EFNA5: variants seen among roughly 807,000 people sequenced by gnomAD.
EFNA5 encodes ephrin-A5.
EFNA5 carries 5 observed loss-of-function variants against 22.9 expected under a neutral mutation model. The observed-to-expected ratio is 0.22, with a 90% CI of 0.11 to 0.46. EFNA5 has a LOEUF of 0.46. Among genes scored for constraint, EFNA5 ranks in the 20% least tolerant of loss-of-function variants. The probability of loss-of-function intolerance (pLI) is 0.99; values close to 1 mark genes in which losing one functional copy is unlikely to be tolerated. For synonymous variants in EFNA5, 113 were observed against 112.2 expected, an observed-to-expected ratio of 1.01 and a Z score of -0.04; for missense variants, 237 against 293.3, an observed-to-expected ratio of 0.81 and a Z score of 1.40.
In EFNA5 at chr5:107,625,316, T is replaced by C. The variant is rs1384599036; in HGVS notation, c.125+45173A>G. On this transcript the variant is annotated intron_variant, in intron 1 of 4. Coordinates refer to ENST00000333274, the MANE Select transcript of EFNA5 (RefSeq NM_001962.3). ...TTTTGAGATTGTCTATGCATTCTTA[T>C]ATGCAGCTACCACCAATAAGTAAGA... is the stretch of plus-strand genomic sequence containing the variant. 2.6e-5 allele frequency among the ~76,000 whole-genome samples: 4 copies of C among 152,220 alleles called. No homozygotes were observed. The South Asian group carries it at 6.2e-4, about 24-fold the overall frequency.
chr5:107,656,417 C>T (rs967394821), intron 1 of EFNA5, among the ~76,000 whole-genome samples: 2 of 152,032 alleles, frequency 1.3e-5, no homozygotes, highest in African/African-American at 4.8e-5. Flanking sequence ...TGTAAATGTA[C>T]AAATCATCTC....
chr5:107,491,340 C>G (rs901250685), intron 1 of EFNA5, among the ~76,000 whole-genome samples: 2 of 152,162 alleles, frequency 1.3e-5, no homozygotes, highest in Admixed American at 1.3e-4. Context: ...CCATGGAGTT[C>G]CGCTCTTGTT....
intron 1 of EFNA5, among the ~76,000 whole-genome samples, chr5:107,604,076 G>A (rs57078339): frequency 3.9e-5 from 6 of 152,268 alleles, no homozygotes; most frequent in East Asian, 1.9e-4. Flanking sequence ...CTTTGGGGAC[G>A]TGAACCAATA....
chr5:107,420,199 ACTTAAT>A (rs1748616998), intron 2 of EFNA5, among the ~76,000 whole-genome samples: 1 of 152,190 alleles, frequency 6.6e-6, no homozygotes, highest in Non-Finnish European at 1.5e-5. Context: ...TGGTCTTAAA[ACTTAAT>A]CTTTATGCAT....
At chr5:107,469,827 C>A (rs760224935) in intron 1 of EFNA5, among the ~76,000 whole-genome samples, 1 of 152,034 alleles carries the variant, frequency 6.6e-6, no homozygotes, top group Admixed American at 6.6e-5. Context: ...AGAAGTCATC[C>A]CACAAATTCC....
chr5:107,515,355 T>A (rs991674334), intron 1 of EFNA5, among the ~76,000 whole-genome samples: 56 of 130,656 alleles, frequency 4.3e-4, no homozygotes, highest in Middle Eastern at 4.0e-3. Context: ...TGGTTTTTAT[T>A]TTTTATTTTA....
At chr5:107,474,521 C>T (rs1195767035) in intron 1 of EFNA5, among the ~76,000 whole-genome samples, 1 of 152,070 alleles carries the variant, frequency 6.6e-6, no homozygotes, top group Non-Finnish European at 1.5e-5. Context: ...TTCCTCCAGG[C>T]ATGACTAATA....
intron 1 of EFNA5, among the ~76,000 whole-genome samples, chr5:107,476,735 T>TTCTCTCTC (rs34563371): frequency 0.19 from 28,123 of 148,058 alleles, 3,146 homozygotes; most frequent in South Asian, 0.35. Context: ...TTTTTTCTCT[T>TTCTCTCTC]TCTCTCTCTC....
chr5:107,528,388 T>C (rs1187472860), intron 1 of EFNA5, among the ~76,000 whole-genome samples: 1 of 152,230 alleles, frequency 6.6e-6, no homozygotes, highest in East Asian at 1.9e-4. Flanking sequence ...TTTTTAGTTT[T>C]TTTATTGGCA....
At chr5:107,423,503 A>G (rs1208785360) in intron 2 of EFNA5, among the ~76,000 whole-genome samples, 1 of 151,948 alleles carries the variant, frequency 6.6e-6, no homozygotes, top group African/African-American at 2.4e-5. Context: ...CAGCCTCCCA[A>G]ACAGCTGGGA....
At chr5:107,480,098 T>TA (rs1264414781) in intron 1 of EFNA5, among the ~76,000 whole-genome samples, 1 of 152,044 alleles carries the variant, frequency 6.6e-6, no homozygotes, top group African/African-American at 2.4e-5. Context: ...CATGAGAAAA[T>TA]AAGAATAATA....
intron 2 of EFNA5, among the ~76,000 whole-genome samples, chr5:107,403,734 G>T (rs573132165): frequency 1.2e-4 from 18 of 152,092 alleles, no homozygotes; most frequent in Non-Finnish European, 2.4e-4. Flanking sequence ...TTTTTCAAAG[G>T]TTATTCACAT....
chr5:107,560,611 T>C (rs530834307), intron 1 of EFNA5, among the ~76,000 whole-genome samples: 1 of 152,334 alleles, frequency 6.6e-6, no homozygotes, highest in African/African-American at 2.4e-5. Context: ...ATATCCGTTC[T>C]AGTTTCACAT....
chr5:107,495,251 C>A (rs1019194759), intron 1 of EFNA5, among the ~76,000 whole-genome samples: 2 of 152,146 alleles, frequency 1.3e-5, no homozygotes, highest in Admixed American at 1.3e-4. Context: ...CTCCTGAAGT[C>A]AGCGGGACCA....
intron 1 of EFNA5, among the ~76,000 whole-genome samples, chr5:107,615,973 A>AT: frequency 6.6e-6 from 1 of 152,340 alleles, no homozygotes; most frequent in African/African-American, 2.4e-5. Context: ...GCATTTATAA[A>AT]TTATTCTTCA....
rs560615896 is a variant in EFNA5, at chr5:107,668,686, A to G, written c.125+1803T>C. On this transcript the variant is annotated intron_variant, in intron 1 of 4. Coordinates refer to ENST00000333274, the MANE Select transcript of EFNA5 (RefSeq NM_001962.3). The stretch of plus-strand genomic sequence containing the variant: ...GTGTTGCTTTATTTAATAAGGTGCT[A>G]AAGTTCAGAGATACAAATTTCTGCT... Among the ~76,000 whole-genome samples, 6 of 152,328 alleles carry G rather than the reference A, an allele frequency of 3.9e-5. No homozygotes were observed. The South Asian group carries it at 6.2e-4, about 16-fold the overall frequency.
intron 1 of EFNA5, among the ~76,000 whole-genome samples, chr5:107,526,815 A>G (rs1418141889): frequency 6.6e-6 from 1 of 152,218 alleles, no homozygotes; most frequent in Non-Finnish European, 1.5e-5. Flanking sequence ...GGGAAATTCT[A>G]CTTTCTTCAA....
chr5:107,568,669 T>C (rs1191001115), intron 1 of EFNA5, among the ~76,000 whole-genome samples: 2 of 152,214 alleles, frequency 1.3e-5, no homozygotes, highest in African/African-American at 4.8e-5. Context: ...ACAGAGAACA[T>C]ACAAATAATT....
chr5:107,509,077 G>A (rs1298711427), intron 1 of EFNA5, among the ~76,000 whole-genome samples: 1 of 152,192 alleles, frequency 6.6e-6, no homozygotes, highest in Non-Finnish European at 1.5e-5. Flanking sequence ...TTTATTTATA[G>A]GATGGCTTCG....
Sources: allele counts gnomAD v4.1 joint callset (sites outside exome capture counted in the v4.1 genomes callset), GRCh38; gene constraint gnomAD v4.1.1; transcripts MANE v1.5; gene names NCBI Gene and HGNC (gene_info 2026-07-23, HGNC 2026-07-21).